Variants in CCDC91 observed in about 807,000 individuals in gnomAD.
The protein encoded by CCDC91 is coiled-coil domain-containing protein 91.
Under a neutral mutation model 63.2 loss-of-function variants are expected in CCDC91, and 48 were observed. The observed-to-expected ratio is 0.76, with a 90% CI of 0.60 to 0.97. The LOEUF (loss-of-function observed/expected upper bound fraction) is 0.97. CCDC91 is among the 50% of genes least tolerant of loss of function. The pLI is 0.00. For synonymous variants in CCDC91, 167 were observed against 165.8 expected (o/e 1.01, Z -0.06); for missense variants, 500 against 494.6 (o/e 1.01, Z -0.10).
At chr12:28,383,710 T>G (rs1368278904) in intron 7 of CCDC91, among the ~76,000 whole-genome samples, 1 of 152,142 alleles carries the variant, frequency 6.6e-6, no homozygotes, top group Non-Finnish European at 1.5e-5. Context: ...CAAAGAATTT[T>G]ACATTGAACT....
chr12:28,350,384 A>G (rs938297322), intron 6 of CCDC91, among the ~76,000 whole-genome samples: 1 of 152,232 alleles, frequency 6.6e-6, no homozygotes, highest in Non-Finnish European at 1.5e-5. Flanking sequence ...AATTTAGACA[A>G]GTAATTATTT....
At chr12:28,235,538 T>G (rs1218578495) in intron 1 of CCDC91, among the ~76,000 whole-genome samples, 1 of 151,536 alleles carries the variant, frequency 6.6e-6, no homozygotes, top group East Asian at 1.9e-4. Context: ...AGTTTCTATT[T>G]ATTAATCCAA....
At chr12:28,355,230 A>C (rs1233499519) in intron 6 of CCDC91, among the ~76,000 whole-genome samples, 1 of 152,156 alleles carries the variant, frequency 6.6e-6, no homozygotes, top group Non-Finnish European at 1.5e-5. Context: ...GATGCTAATA[A>C]ACTGAATCTG....
At chr12:28,470,138 G>A (rs1331368354) in intron 11 of CCDC91, among the ~76,000 whole-genome samples, 1 of 152,032 alleles carries the variant, frequency 6.6e-6, no homozygotes, top group Non-Finnish European at 1.5e-5. Flanking sequence ...TCAACAAAAT[G>A]AAGAGACAAC....
chr12:28,426,407 CT>C (rs1219465959), intron 8 of CCDC91, among the ~76,000 whole-genome samples: 7 of 151,970 alleles, frequency 4.6e-5, no homozygotes, highest in African/African-American at 1.4e-4. Context: ...TGAAATAGTT[CT>C]GCTTCATTCT....
At chr12:28,473,197 T>C (rs1348986011) in intron 11 of CCDC91, among the ~76,000 whole-genome samples, 1 of 152,178 alleles carries the variant, frequency 6.6e-6, no homozygotes, top group African/African-American at 2.4e-5. Context: ...AGAAAAACTT[T>C]CAGTCAAAGC....
intron 1 of CCDC91, chr12:28,236,115 T>TCTA (rs1176317812): frequency 1.3e-5 from 2 of 152,138 alleles, no homozygotes; most frequent in African/African-American, 4.8e-5. Context: ...CTTTGTTAGA[T>TCTA]GCTGAGAATA....
chr12:28,416,131 A>G (rs1196504751), intron 8 of CCDC91, among the ~76,000 whole-genome samples: 1 of 152,130 alleles, frequency 6.6e-6, no homozygotes, highest in Non-Finnish European at 1.5e-5. Flanking sequence ...TAACACAGGA[A>G]AAAGGGTACT....
intron 12 of CCDC91, among the ~76,000 whole-genome samples, chr12:28,539,111 A>G (rs963669504): frequency 1.3e-5 from 2 of 152,188 alleles, no homozygotes; most frequent in African/African-American, 4.8e-5. Flanking sequence ...CTTCAGTTGA[A>G]TAAGATCCCA....
At chr12:28,369,191 G>A (rs1178005301) in intron 7 of CCDC91, among the ~76,000 whole-genome samples, 3 of 152,106 alleles carry the variant, frequency 2.0e-5, no homozygotes, top group African/African-American at 7.2e-5. Context: ...TTTTGCCTAT[G>A]AGCCTGTAAA....
chr12:28,283,537 AT>A (rs76455503), intron 3 of CCDC91, among the ~76,000 whole-genome samples: 30,733 of 151,538 alleles, frequency 0.2, 4,020 homozygotes, highest in Non-Finnish European at 0.3. Flanking sequence ...GCAGTGGCAC[AT>A]TTTTTTTGTT....
In CCDC91 at chr12:28,519,543, T is replaced by C. The variant is rs537136773; in HGVS notation, c.1216-29520T>C. ...TCCTCTTTACCAATTTGGATGCTCT[T>C]TGTATCTTTCTCTTTTCTTTTTTTT... On this transcript the variant is annotated intron_variant, in intron 12 of 12. Transcript: ENST00000536442. 2.6e-5 allele frequency among the ~76,000 whole-genome samples: 4 copies of C among 151,982 alleles called. No homozygotes were observed. The South Asian group carries it at 8.3e-4, about 32-fold the overall frequency.
At chr12:28,384,025 C>G (rs1159489962) in intron 7 of CCDC91, among the ~76,000 whole-genome samples, 1 of 151,960 alleles carries the variant, frequency 6.6e-6, no homozygotes, top group Non-Finnish European at 1.5e-5. Context: ...TTAATTAAGC[C>G]AAGAGCCATT....
chr12:28,502,590 T>A (rs1226356940), intron 12 of CCDC91, among the ~76,000 whole-genome samples: 1 of 149,816 alleles, frequency 6.7e-6, no homozygotes, highest in Non-Finnish European at 1.5e-5. Flanking sequence ...TACTTTAAAG[T>A]TCATATGGAA....
intron 8 of CCDC91, among the ~76,000 whole-genome samples, chr12:28,447,446 G>T (rs1347055189): frequency 2.0e-5 from 3 of 151,724 alleles, no homozygotes; most frequent in African/African-American, 7.3e-5. Flanking sequence ...TTTATAATGA[G>T]CATATATCAG....
intron 6 of CCDC91, among the ~76,000 whole-genome samples, chr12:28,311,625 A>G (rs1439951267): frequency 6.6e-6 from 1 of 152,052 alleles, no homozygotes; most frequent in Admixed American, 6.6e-5. Context: ...ATAGGCCTAC[A>G]CTATGACTAT....
At chr12:28,478,179 G>A (rs1182764832) in intron 11 of CCDC91, among the ~76,000 whole-genome samples, 9 of 152,146 alleles carry the variant, frequency 5.9e-5, no homozygotes, top group Non-Finnish European at 1.2e-4. Flanking sequence ...AAAGAGCAAA[G>A]CTGGAGGCAT....
chr12:28,421,716 A>G lies in CCDC91; in HGVS notation c.763-28445A>G, dbSNP rs537886894. 2.0e-5 allele frequency among the ~76,000 whole-genome samples: 3 copies of G among 152,216 alleles called. No homozygotes were observed. The East Asian group carries it at 5.8e-4, about 29-fold the overall frequency. ...AAATTCCTCCTCAACACTGTAACAT[A>G]GAAATTCTGCCTGTGTTTACAGTCT... On this transcript the variant is annotated intron_variant, in intron 8 of 12. Coordinates refer to ENST00000536442, the MANE Select transcript of CCDC91 (RefSeq NM_018318.5).
chr12:28,472,337 C>A (rs550933474), intron 11 of CCDC91, among the ~76,000 whole-genome samples: 36 of 152,258 alleles, frequency 2.4e-4, no homozygotes, highest in Middle Eastern at 6.8e-3. Context: ...TGACCTAAAT[C>A]AGGGATTGGC....
Sources: allele counts gnomAD v4.1 joint callset (sites outside exome capture counted in the v4.1 genomes callset), GRCh38; gene constraint gnomAD v4.1.1; transcripts MANE v1.5; gene names NCBI Gene and HGNC (gene_info 2026-07-23, HGNC 2026-07-21).